ELOVL5: variants seen among roughly 807,000 people sequenced by gnomAD.
ELOVL5 encodes very long chain fatty acid elongase 5.
A neutral mutation model predicts 38.6 loss-of-function variants in ELOVL5; 8 were observed. The ratio of observed to expected loss-of-function variants is 0.21; its 90% CI spans 0.12 to 0.37. The LOEUF (loss-of-function observed/expected upper bound fraction) is 0.37. Ranked by LOEUF, ELOVL5 falls within the 10% of genes least tolerant of loss-of-function variation. The probability of loss-of-function intolerance (pLI) is 1.00; values close to 1 mark genes in which losing one functional copy is unlikely to be tolerated. For synonymous variants in ELOVL5, 127 were observed against 133.7 expected (o/e 0.95, Z 0.34); for missense variants, 280 against 367.8 (o/e 0.76, Z 1.95).
rs766390073 is a variant in ELOVL5 at position 53,276,204 on chromosome 6, C to T, written c.299G>A (p.Arg100His). 3.7e-6 allele frequency: 6 copies of T among 1,612,652 alleles called. No homozygotes were observed. Among genetic ancestry groups the T allele is most frequent in the South Asian group, 2.2e-5 (2 of 91,046 alleles). Residue 100 changes from arginine to histidine, a missense_variant, in exon 4 of 8, where the codon CGC becomes CAC. Arg to His is a conservative substitution (Grantham distance 29, BLOSUM62 0). Coordinates refer to ENST00000304434, the MANE Select transcript of ELOVL5 (RefSeq NM_021814.5). ...GKYNFFCQGT[R>H]TAGESDMKII... Reference sequence around the variant, plus strand: ...CTTCATATCTGATTCTCCTGCGGTGCGTGTGCCCTGACAGAAGAAGTTGTA... The same window carrying T: ...CTTCATATCTGATTCTCCTGCGGTGTGTGTGCCCTGACAGAAGAAGTTGTA...
intron 1 of ELOVL5, among the ~76,000 whole-genome samples, chr6:53,304,743 GT>G (rs1767413339): frequency 6.6e-6 from 1 of 151,722 alleles, no homozygotes; most frequent in African/African-American, 2.4e-5. Flanking sequence ...AGGGTTGGGG[GT>G]AAGGTCACAG....
intron 1 of ELOVL5, among the ~76,000 whole-genome samples, chr6:53,327,714 T>C (rs1768610309): frequency 6.6e-6 from 1 of 152,176 alleles, no homozygotes; most frequent in Non-Finnish European, 1.5e-5. Context: ...TTCAAATAAC[T>C]TTTTTTAAAA....
chr6:53,347,879 C>T (rs1769631809), intron 1 of ELOVL5, among the ~76,000 whole-genome samples: 1 of 152,200 alleles, frequency 6.6e-6, no homozygotes, highest in Non-Finnish European at 1.5e-5. Flanking sequence ...TCAGCAAGAA[C>T]AACTCTTGCT....
intron 3 of ELOVL5, among the ~76,000 whole-genome samples, chr6:53,280,164 G>C (rs1247681444): frequency 6.6e-6 from 1 of 152,244 alleles, no homozygotes; most frequent in Non-Finnish European, 1.5e-5. Context: ...GGCTGGAGAA[G>C]GTGAAGTACT....
At chr6:53,347,774 C>T (rs1349445368) in intron 1 of ELOVL5, among the ~76,000 whole-genome samples, 3 of 151,568 alleles carry the variant, frequency 2.0e-5, no homozygotes, top group African/African-American at 7.3e-5. Context: ...CAAATGCATT[C>T]TCCAAATTTG....
intron 1 of ELOVL5, among the ~76,000 whole-genome samples, chr6:53,333,381 T>A (rs546950038): frequency 2.0e-5 from 3 of 152,316 alleles, no homozygotes; most frequent in African/African-American, 7.2e-5. Context: ...GACTGTCTCA[T>A]TAGAGGAAAC....
At chr6:53,299,203 T>C (rs1767145440) in intron 1 of ELOVL5, among the ~76,000 whole-genome samples, 1 of 152,168 alleles carries the variant, frequency 6.6e-6, no homozygotes. Context: ...TGAATATATG[T>C]TCAAAACCAT....
intron 1 of ELOVL5, among the ~76,000 whole-genome samples, chr6:53,316,762 G>A (rs1448506908): frequency 1.3e-5 from 2 of 151,842 alleles, no homozygotes; most frequent in East Asian, 3.9e-4. Flanking sequence ...GCCATGTAGT[G>A]AGTGAGGAAG....
At chr6:53,301,952 G>A (rs1202210138) in intron 1 of ELOVL5, among the ~76,000 whole-genome samples, 1 of 152,122 alleles carries the variant, frequency 6.6e-6, no homozygotes, top group African/African-American at 2.4e-5. Flanking sequence ...AGGAGCAAGA[G>A]AGTGTGAGGG....
At chr6:53,327,847 C>T (rs1768616892) in intron 1 of ELOVL5, among the ~76,000 whole-genome samples, 1 of 152,158 alleles carries the variant, frequency 6.6e-6, no homozygotes, top group South Asian at 2.1e-4. Flanking sequence ...TCCATTTCCT[C>T]TCTCGACTGG....
chr6:53,302,959 G>C (rs1448067058), intron 1 of ELOVL5, among the ~76,000 whole-genome samples: 1 of 152,088 alleles, frequency 6.6e-6, no homozygotes, highest in Non-Finnish European at 1.5e-5. Flanking sequence ...CCCATGTGCT[G>C]CAAGGAATCA....
chr6:53,341,465 G>T (rs1198012155), intron 1 of ELOVL5, among the ~76,000 whole-genome samples: 4 of 152,186 alleles, frequency 2.6e-5, no homozygotes, highest in Non-Finnish European at 4.4e-5. Flanking sequence ...TTTGAATCCT[G>T]CCTCTGCCAC....
intron 1 of ELOVL5, 149 bp downstream of exon 1, chr6:53,348,668 G>C: frequency 2.9e-6 from 1 of 345,070 alleles, no homozygotes; most frequent in Non-Finnish European, 5.6e-6. Flanking sequence ...GCCGCGGGCG[G>C]AGCGCGGGTT....
At chr6:53,333,934 T>C (rs1364984899) in intron 1 of ELOVL5, among the ~76,000 whole-genome samples, 1 of 152,138 alleles carries the variant, frequency 6.6e-6, no homozygotes, top group African/African-American at 2.4e-5. Context: ...ATAAAACAAC[T>C]ATGATACCAC....
Position 53,320,852 on chromosome 6 carries a change from T to C in ELOVL5, c.-8-25145A>G, listed in dbSNP as rs569109902. Among the ~76,000 whole-genome samples, 6 of 152,332 alleles carry C rather than the reference T, an allele frequency of 3.9e-5. No homozygotes were observed. In the East Asian group the frequency reaches 9.6e-4, roughly 24 times the overall value. ...AATTAACTCCTTAGAAACCGGCTTA[T>C]TATCCCAATGTTTATTTTTTTTAAA... On this transcript the variant is annotated intron_variant, in intron 1 of 7. Transcript: ENST00000304434.
intron 1 of ELOVL5, among the ~76,000 whole-genome samples, chr6:53,341,472 C>T (rs1236903790): frequency 1.3e-5 from 2 of 152,190 alleles, no homozygotes; most frequent in East Asian, 3.9e-4. Context: ...CCTGCCTCTG[C>T]CACCTACTAG....
chr6:53,340,131 T>C (rs1198593591), intron 1 of ELOVL5, among the ~76,000 whole-genome samples: 3 of 152,176 alleles, frequency 2.0e-5, no homozygotes, highest in African/African-American at 4.8e-5. Context: ...ATACAGCCTG[T>C]GTTTTAAGCT....
At chr6:53,292,900 C>T (rs150808335) in intron 2 of ELOVL5, among the ~76,000 whole-genome samples, 3 of 152,258 alleles carry the variant, frequency 2.0e-5, no homozygotes, top group African/African-American at 7.2e-5. Flanking sequence ...AGCATGAGAG[C>T]GAAGACCTAG....
intron 3 of ELOVL5, among the ~76,000 whole-genome samples, chr6:53,289,640 A>G (rs1450306683): frequency 1.3e-5 from 2 of 152,140 alleles, no homozygotes; most frequent in Admixed American, 6.5e-5. Flanking sequence ...GAATCGCTTG[A>G]ACCTGGGAAG....
Sources: gnomAD v4.1 joint callset for allele counts (sites outside exome capture counted in the v4.1 genomes callset) on GRCh38, gnomAD v4.1.1 for gene constraint, MANE v1.5 for transcripts, NCBI Gene and HGNC (gene_info 2026-07-23, HGNC 2026-07-21) for gene names.